WBP2NL: variants seen among roughly 807,000 people sequenced by gnomAD.
The protein encoded by WBP2NL is postacrosomal sheath WW domain-binding protein.
WBP2NL carries 27 observed loss-of-function variants against 23.3 expected under a neutral mutation model. The observed-to-expected ratio is 1.16, with a 90% CI of 0.85 to 1.60. WBP2NL has a LOEUF of 1.60. WBP2NL is among the 40% of genes most tolerant of loss of function. WBP2NL has a pLI of 0.00. For synonymous variants in WBP2NL, 151 were observed against 145.9 expected, an observed-to-expected ratio of 1.03 and a Z score of -0.25; for missense variants, 370 against 389.5, an observed-to-expected ratio of 0.95 and a Z score of 0.42.
Position 42,048,030 on chromosome 22 carries a change from TA to T in WBP2NL, c.*274-10259del, listed in dbSNP as rs1020302832. On this transcript the variant is annotated intron_variant and NMD_transcript_variant, in intron 8 of 8. Coordinates refer to the WBP2NL transcript ENST00000436265. ...AATATTAATAAACGGAATCCAAGAA[TA>T]TATTAAAAATACACCATGACCAAGT... is the stretch of plus-strand genomic sequence containing the variant. 3.5e-4 allele frequency among the ~76,000 whole-genome samples: 53 copies of T among 152,294 alleles called. 1 individual carries two copies. The highest frequency in any genetic ancestry group is 3.1e-3 in the Admixed American group (47 of 15,290).
At chr22:42,040,757 T>C (rs1925373323) in intron 8 of WBP2NL, among the ~76,000 whole-genome samples, 2 of 152,358 alleles carry the variant, frequency 1.3e-5, no homozygotes, top group South Asian at 2.1e-4. Context: ...TTCTTTCCAC[T>C]GTGGCCTAAG....
chr22:42,043,829 C>T (rs1312851004), intron 8 of WBP2NL, among the ~76,000 whole-genome samples: 3 of 151,920 alleles, frequency 2.0e-5, no homozygotes, highest in Non-Finnish European at 4.4e-5. Context: ...CAGGTTCAAG[C>T]GATTCTCCTG....
rs777207460 is a variant in WBP2NL, at chr22:42,026,897, CGATATGGAGCCCCACCTCTTG to C, written c.651_671del (p.Leu222_Pro228del). 7.5e-6 allele frequency: 12 copies of C among 1,596,606 alleles called. No individual in the cohort carries two copies. In the South Asian group the frequency reaches 1.0e-4, roughly 13 times the overall value. ...TGTGGGATACAGAGCCTCACCTGTGCGATATGGAGCCCCACCTCTTGGATACGGAGCCCCACCTGCAGGATA... is the reference window on the plus strand; with the variant it reads ...TGTGGGATACAGAGCCTCACCTGTGCGATACGGAGCCCCACCTGCAGGATA... On this transcript the variant is annotated inframe_deletion, in exon 6 of 6. Coordinates refer to ENST00000328823, the MANE Select transcript of WBP2NL (RefSeq NM_152613.3).
downstream of WBP2NL, among the ~76,000 whole-genome samples, chr22:42,037,774 G>A (rs540029791): frequency 2.5e-4 from 38 of 149,960 alleles, no homozygotes; most frequent in African/African-American, 9.6e-4. Context: ...TTGATTTTGT[G>A]TCCTGAAACT....
chr22:42,045,358 G>A (rs957497441), intron 8 of WBP2NL, among the ~76,000 whole-genome samples: 2 of 152,036 alleles, frequency 1.3e-5, no homozygotes, highest in South Asian at 2.1e-4. Context: ...GGAGAATGGC[G>A]TGAACCCAGG....
intron 8 of WBP2NL, among the ~76,000 whole-genome samples, chr22:42,050,516 C>T (rs181733810): frequency 1.3e-4 from 20 of 151,942 alleles, no homozygotes; most frequent in Non-Finnish European, 2.6e-4. Flanking sequence ...GGTGTTGTGG[C>T]GCTTGCCTGT....
intron 8 of WBP2NL, among the ~76,000 whole-genome samples, chr22:42,056,906 G>C (rs138030344): frequency 2.5e-4 from 38 of 152,116 alleles, no homozygotes; most frequent in Non-Finnish European, 4.1e-4. Context: ...TTGTTTCCAT[G>C]GTTTCTGATG....
At chr22:42,002,651 A>G (rs903436390) in intron 1 of WBP2NL, 5 of 152,144 alleles carry the variant, frequency 3.3e-5, no homozygotes, top group African/African-American at 1.2e-4. Context: ...GTTTTCCCTC[A>G]TTTCACAGGT....
chr22:42,022,403 C>A, intron 5 of WBP2NL, 47 bp downstream of exon 5: 1 of 1,511,852 alleles, frequency 6.6e-7, no homozygotes, highest in South Asian at 1.2e-5. Flanking sequence ...AAAATTATGC[C>A]AGAGGCTCAA....
intron 1 of WBP2NL, among the ~76,000 whole-genome samples, chr22:42,008,121 G>GCTTTGCTTTCCTTTCCTTTCCTTTC (rs1569446628): frequency 5.6e-5 from 3 of 53,856 alleles, no homozygotes; most frequent in African/African-American, 1.8e-4. Context: ...CCTTTCCTTT[G>GCTTTGCTTTCCTTTCCTTTCCTTTC]CTTTCCTTTC....
At chr22:42,037,187 C>T (rs1925216614), downstream of WBP2NL, among the ~76,000 whole-genome samples, 1 of 150,060 alleles carries the variant, frequency 6.7e-6, no homozygotes. Flanking sequence ...TTTTCCAGTA[C>T]TGTTTATTGA....
chr22:42,032,840 T>G (rs2146810199), downstream of WBP2NL: 1 of 334,656 alleles, frequency 3.0e-6, no homozygotes, highest in East Asian at 1.1e-4. Flanking sequence ...TTGATTAGTT[T>G]AGATGTATGA....
chr22:42,027,315 A>G lies in WBP2NL; in HGVS notation c.*134A>G, dbSNP rs549696398. 1.4e-4 allele frequency: 157 copies of G among 1,137,516 alleles called. 1 individual carries two copies. In the East Asian group the frequency reaches 2.6e-3, roughly 19 times the overall value. The allele number at this position is 1,137,516 out of a possible 1,614,324, so 70.5% of individuals were successfully genotyped here. On this transcript the variant is annotated 3_prime_UTR_variant, in exon 6 of 6. Coordinates refer to ENST00000328823, the MANE Select transcript of WBP2NL (RefSeq NM_152613.3). ...AGTTGTTCCACCCTTTGGAAGGGCA[A>G]TCTTATGGGGGAAGGTGAAACTTTA...
chr22:42,020,895 T>TAC (rs1923885008), intron 4 of WBP2NL, among the ~76,000 whole-genome samples: 1 of 61,132 alleles, frequency 1.6e-5, no homozygotes, highest in South Asian at 6.6e-4. Flanking sequence ...TATATATATA[T>TAC]ATATATATAT....
chr22:42,048,066 C>T (rs991800379), intron 8 of WBP2NL, among the ~76,000 whole-genome samples: 5 of 152,128 alleles, frequency 3.3e-5, no homozygotes, highest in African/African-American at 1.2e-4. Context: ...TAGAATTTAT[C>T]CAGGTGTGCA....
chr22:42,043,233 G>C (rs905326138), intron 8 of WBP2NL, among the ~76,000 whole-genome samples: 5 of 152,100 alleles, frequency 3.3e-5, no homozygotes, highest in Admixed American at 3.3e-4. Flanking sequence ...GGCTCAGGGA[G>C]CTGGGTCTGT....
At chr22:42,001,352 G>A (rs1015105090) in intron 1 of WBP2NL, 34 of 696,746 alleles carry the variant, frequency 4.9e-5, no homozygotes, top group Non-Finnish European at 8.4e-5. Context: ...GTGTTCTTGG[G>A]ATCCGGAAGC....
chr22:42,033,858 A>G (rs927861424), downstream of WBP2NL, among the ~76,000 whole-genome samples: 17 of 152,220 alleles, frequency 1.1e-4, no homozygotes, highest in Non-Finnish European at 2.5e-4. Context: ...ATTGGTCCAT[A>G]TGTGGCCATG....
intron 8 of WBP2NL, among the ~76,000 whole-genome samples, chr22:42,050,141 C>A (rs1012407672): frequency 7.2e-5 from 11 of 151,902 alleles, no homozygotes; most frequent in Admixed American, 5.9e-4. Context: ...CATAGTGAGA[C>A]CCTGTCTCTA....
Sources: allele counts gnomAD v4.1 joint callset (sites outside exome capture counted in the v4.1 genomes callset), GRCh38; gene constraint gnomAD v4.1.1; transcripts MANE v1.5; gene names NCBI Gene and HGNC (gene_info 2026-07-23, HGNC 2026-07-21).